DLGAP4: variants seen among roughly 807,000 people sequenced by gnomAD.
DLGAP4 encodes the protein disks large-associated protein 4.
A neutral mutation model predicts 86.9 loss-of-function variants in DLGAP4; 18 were observed. The observed-to-expected ratio is 0.21, with a 90% CI of 0.14 to 0.31. The LOEUF (loss-of-function observed/expected upper bound fraction) is 0.31, where lower values mean the gene tolerates loss of function less well. DLGAP4 is among the 10% of genes least tolerant of loss of function. The pLI, the probability that DLGAP4 is intolerant of heterozygous loss-of-function variation, is 1.00. For synonymous variants in DLGAP4, 548 were observed against 574.3 expected (o/e 0.95, Z 0.65); for missense variants, 1,085 against 1,362.6 (o/e 0.80, Z 3.21).
chr20:36,489,454 A>C (rs1261633550), intron 7 of DLGAP4, among the ~76,000 whole-genome samples: 4 of 152,086 alleles, frequency 2.6e-5, no homozygotes, highest in African/African-American at 9.7e-5. Flanking sequence ...TCAGCCTGAC[A>C]CCTTTTTAAC....
chr20:36,320,682 T>C (rs1365498643), intron 1 of DLGAP4, among the ~76,000 whole-genome samples: 19 of 151,694 alleles, frequency 1.3e-4, no homozygotes, highest in African/African-American at 4.1e-4. Context: ...GTACCTGGAG[T>C]CTGGGCCCCC....
intron 2 of DLGAP4, among the ~76,000 whole-genome samples, chr20:36,376,231 A>ATGG (rs2031148071): frequency 1.3e-5 from 2 of 151,394 alleles, no homozygotes; most frequent in Admixed American, 6.6e-5. Flanking sequence ...TAATCCCGGC[A>ATGG]CTTTGGGAGG....
intron 1 of DLGAP4, among the ~76,000 whole-genome samples, chr20:36,318,053 G>A (rs1019193105): frequency 1.3e-5 from 2 of 151,188 alleles, no homozygotes; most frequent in Middle Eastern, 3.2e-3. Context: ...TTATTACTGT[G>A]GAACAAATTA....
At chr20:36,453,993 G>T (rs970271446) in intron 7 of DLGAP4, among the ~76,000 whole-genome samples, 3 of 149,026 alleles carry the variant, frequency 2.0e-5, no homozygotes, top group Non-Finnish European at 1.5e-5. Context: ...AAAAGAGTCC[G>T]GGCACAGTGG....
intron 1 of DLGAP4, among the ~76,000 whole-genome samples, chr20:36,331,629 C>T (rs946301805): frequency 1.3e-5 from 2 of 152,228 alleles, no homozygotes; most frequent in East Asian, 3.9e-4. Context: ...GAGATGGAAG[C>T]TTTGGCCTCT....
rs2033273612 is a variant in DLGAP4, at chr20:36,436,299, G to A, written c.1190G>A (p.Ser397Asn). ...CCCAAGACCGCGGCGCGGCGCCAGA[G>A]CTATCTGAGGGCCACGCAGCAGTCG... ...PSPKTAARRQ[S>N]YLRATQQSLG... The change falls in exon 4 of 13, where the codon AGC becomes AAC. Residue 397 changes from serine to asparagine, a missense_variant. Around this residue, in one of 2 missense-constraint regions of DLGAP4, gnomAD observed 1,082 missense variants for 1,344.1 expected, o/e 0.81. Transcript: ENST00000339266. 1.2e-6 allele frequency: 2 copies of A among 1,604,376 alleles called. No individual in the cohort carries two copies. The highest frequency in any genetic ancestry group is 1.7e-4 in the Middle Eastern group (1 of 6,002).
intron 1 of DLGAP4, among the ~76,000 whole-genome samples, chr20:36,317,282 T>TTCA (rs2065115557): frequency 3.3e-5 from 1 of 30,380 alleles, no homozygotes; most frequent in Non-Finnish European, 6.5e-5. Context: ...TTTCTTATCT[T>TTCA]TCTTTCTTTC....
At chr20:36,410,657 A>C (rs550388726) in intron 2 of DLGAP4, among the ~76,000 whole-genome samples, 1 of 152,190 alleles carries the variant, frequency 6.6e-6, no homozygotes, top group Admixed American at 6.5e-5. Context: ...GGGATAGGGG[A>C]GGTGCCACAC....
chr20:36,323,827 T>G (rs2065192334), intron 1 of DLGAP4, among the ~76,000 whole-genome samples: 1 of 152,208 alleles, frequency 6.6e-6, no homozygotes, highest in East Asian at 1.9e-4. Flanking sequence ...CACAGTAGGA[T>G]TCGTACTCCT....
chr20:36,465,991 G>A (rs957061748), intron 7 of DLGAP4, among the ~76,000 whole-genome samples: 3 of 152,040 alleles, frequency 2.0e-5, no homozygotes, highest in Non-Finnish European at 2.9e-5. Flanking sequence ...GGATGCTTAC[G>A]GCATGACCTT....
At chr20:36,411,490 C>T (rs1352765740) in intron 2 of DLGAP4, among the ~76,000 whole-genome samples, 1 of 152,156 alleles carries the variant, frequency 6.6e-6, no homozygotes, top group African/African-American at 2.4e-5. Context: ...TACCCGGTCT[C>T]CTCATGGACA....
intron 2 of DLGAP4, among the ~76,000 whole-genome samples, chr20:36,383,701 C>T (rs890110196): frequency 1.3e-5 from 2 of 152,106 alleles, no homozygotes; most frequent in East Asian, 1.9e-4. Flanking sequence ...GAAGGCCGGG[C>T]GCAGTGGCTC....
At chr20:36,427,563 C>T (rs1457436869) in intron 2 of DLGAP4, among the ~76,000 whole-genome samples, 1 of 152,024 alleles carries the variant, frequency 6.6e-6, no homozygotes, top group Non-Finnish European at 1.5e-5. Flanking sequence ...AGTGATTACA[C>T]AGCATTGTTA....
At chr20:36,396,353 A>ACACAC (rs2031957428) in intron 2 of DLGAP4, among the ~76,000 whole-genome samples, 49 of 133,948 alleles carry the variant, frequency 3.7e-4, no homozygotes, top group East Asian at 1.1e-3. Flanking sequence ...ACACACACAC[A>ACACAC]TACCACACGC....
intron 2 of DLGAP4, among the ~76,000 whole-genome samples, chr20:36,371,106 T>C (rs2030915276): frequency 6.6e-6 from 1 of 152,204 alleles, no homozygotes; most frequent in Non-Finnish European, 1.5e-5. Context: ...ATCCTGTGCG[T>C]GCAGAAAGCC....
At chr20:36,407,199 G>A (rs1236426790) in intron 2 of DLGAP4, among the ~76,000 whole-genome samples, 1 of 152,084 alleles carries the variant, frequency 6.6e-6, no homozygotes, top group Non-Finnish European at 1.5e-5. Context: ...AAATTAGCAG[G>A]GTGTTGTGAC....
chr20:36,317,223 TTTTCTTTC>T (rs1229773592), intron 1 of DLGAP4, among the ~76,000 whole-genome samples: 8,161 of 93,696 alleles, frequency 0.087, 452 homozygotes, highest in East Asian at 0.15. Flanking sequence ...TCCTCTCCTT[TTTTCTTTC>T]TTTCTTTCTT....
intron 1 of DLGAP4, among the ~76,000 whole-genome samples, chr20:36,344,754 C>T (rs1475809809): frequency 6.6e-6 from 1 of 152,216 alleles, no homozygotes; most frequent in Non-Finnish European, 1.5e-5. Flanking sequence ...GGCCTAGGGC[C>T]CTGGGTGTGA....
intron 5 of DLGAP4, among the ~76,000 whole-genome samples, chr20:36,441,434 G>A (rs187648881): frequency 4.1e-4 from 62 of 152,280 alleles, no homozygotes; most frequent in South Asian, 6.2e-4. Context: ...GTGATCACTT[G>A]TCTAAAGTAG....
Sources: gnomAD v4.1 joint callset for allele counts (sites outside exome capture counted in the v4.1 genomes callset) on GRCh38, gnomAD v4.1.1 for gene constraint, gnomAD v4.1.1 regional missense constraint, MANE v1.5 for transcripts, NCBI Gene and HGNC (gene_info 2026-07-23, HGNC 2026-07-21) for gene names.